The following CACNA1C variants were observed in gnomAD, a reference collection of about 807,000 sequenced individuals.
CACNA1C encodes voltage-dependent L-type calcium channel subunit alpha-1C.
Under a neutral mutation model 229.0 loss-of-function variants are expected in CACNA1C, and 30 were observed. That is an observed-to-expected ratio of 0.13 (90% CI 0.10 to 0.18). The LOEUF (loss-of-function observed/expected upper bound fraction) is 0.18. CACNA1C is among the 10% of genes least tolerant of loss of function. The probability of loss-of-function intolerance (pLI) is 1.00; values close to 1 mark genes in which losing one functional copy is unlikely to be tolerated. For synonymous variants in CACNA1C, 1,114 were observed against 1,132.5 expected, an observed-to-expected ratio of 0.98 and a Z score of 0.33; for missense variants, 1,658 against 2,845.0, an observed-to-expected ratio of 0.58 and a Z score of 9.49.
intron 3 of CACNA1C, among the ~76,000 whole-genome samples, chr12:2,322,005 G>A (rs2096022728): frequency 6.6e-6 from 1 of 152,212 alleles, no homozygotes; most frequent in African/African-American, 2.4e-5. Context: ...ATCAGAACTA[G>A]ACGCAGCTGC....
At chr12:2,645,353 G>A (rs568798689) in intron 30 of CACNA1C, among the ~76,000 whole-genome samples, 26 of 152,272 alleles carry the variant, frequency 1.7e-4, no homozygotes, top group African/African-American at 3.9e-4. Flanking sequence ...TCTGGGAAGG[G>A]GTCAGAGATT....
chr12:2,378,020 G>A (rs187119185), intron 3 of CACNA1C, among the ~76,000 whole-genome samples: 1 of 152,278 alleles, frequency 6.6e-6, no homozygotes, highest in East Asian at 1.9e-4. Context: ...GAAGAGGGTT[G>A]GGGTGAGTGT....
chr12:2,406,468 A>G (rs1384616159), intron 3 of CACNA1C, among the ~76,000 whole-genome samples: 1 of 152,078 alleles, frequency 6.6e-6, no homozygotes, highest in Non-Finnish European at 1.5e-5. Flanking sequence ...TCCATTCCTT[A>G]TATTAGGTAA....
intron 3 of CACNA1C, among the ~76,000 whole-genome samples, chr12:2,230,145 C>A (rs2064413800): frequency 6.6e-6 from 1 of 152,114 alleles, no homozygotes; most frequent in Non-Finnish European, 1.5e-5. Flanking sequence ...TCAGGATGTC[C>A]CCTCCCGGGG....
At chr12:2,572,945 CTCCTCT>C (rs2056899578) in intron 13 of CACNA1C, among the ~76,000 whole-genome samples, 1 of 93,300 alleles carries the variant, frequency 1.1e-5, no homozygotes, top group Non-Finnish European at 2.3e-5. Context: ...CCTCCTCCTT[CTCCTCT>C]TCCTCTTCCT....
rs985051135 is a variant in CACNA1C, at chr12:2,491,886, G to A, written c.917-1304G>A. Among the ~76,000 whole-genome samples the A allele has an allele frequency of 8.6e-5, 13 of 151,954 alleles. No individual in the cohort carries two copies. In the South Asian group the frequency reaches 2.1e-3, roughly 24 times the overall value. ...ACGTAGGCAAAGTAATCACACTTACGATTGTTTTGATATATATGAAACCAG... is the reference window on the plus strand; with the variant it reads ...ACGTAGGCAAAGTAATCACACTTACAATTGTTTTGATATATATGAAACCAG... On this transcript the variant is annotated intron_variant, in intron 6 of 46. Coordinates refer to ENST00000399655, the MANE Select transcript of CACNA1C (RefSeq NM_000719.7).
At chr12:2,260,880 T>C (rs1032584335) in intron 3 of CACNA1C, among the ~76,000 whole-genome samples, 13 of 152,280 alleles carry the variant, frequency 8.5e-5, no homozygotes, top group African/African-American at 3.1e-4. Flanking sequence ...GAGTTTTTAT[T>C]TGTGTAAATT....
chr12:2,390,978 G>GT (rs1681601563), intron 3 of CACNA1C, among the ~76,000 whole-genome samples: 1 of 152,214 alleles, frequency 6.6e-6, no homozygotes, highest in East Asian at 1.9e-4. Flanking sequence ...CCACACAGCA[G>GT]TGGTGGTGTG....
At chr12:2,033,139 A>C (rs900948766) in intron 1 of CACNA1C, among the ~76,000 whole-genome samples, 11 of 152,162 alleles carry the variant, frequency 7.2e-5, no homozygotes, top group Non-Finnish European at 1.6e-4. Flanking sequence ...TTCCACTTCC[A>C]GAGGGGAGGT....
intron 3 of CACNA1C, among the ~76,000 whole-genome samples, chr12:2,209,049 G>T (rs1427602710): frequency 6.6e-6 from 1 of 152,172 alleles, no homozygotes; most frequent in Non-Finnish European, 1.5e-5. Context: ...AGCTCTCCCG[G>T]CCAGCAGCGT....
At chr12:2,238,150 A>G (rs2068233152) in intron 3 of CACNA1C, among the ~76,000 whole-genome samples, 1 of 152,334 alleles carries the variant, frequency 6.6e-6, no homozygotes, top group Non-Finnish European at 1.5e-5. Flanking sequence ...AGGAGCCTGG[A>G]AAACTATTAT....
At chr12:1,999,680 T>C (rs1464413880) in intron 1 of CACNA1C, among the ~76,000 whole-genome samples, 1 of 152,088 alleles carries the variant, frequency 6.6e-6, no homozygotes, top group African/African-American at 2.4e-5. Flanking sequence ...GAGCTATGAT[T>C]GTACCTCTGC....
upstream of CACNA1C, among the ~76,000 whole-genome samples, chr12:2,051,094 G>A (rs1349365687): frequency 6.6e-6 from 1 of 152,188 alleles, no homozygotes; most frequent in Non-Finnish European, 1.5e-5. Context: ...AAGAGTAAGG[G>A]GAGATAGGGA....
chr12:2,048,367 T>A (rs925838051), upstream of CACNA1C: 7 of 152,248 alleles, frequency 4.6e-5, no homozygotes, highest in African/African-American at 1.7e-4. Flanking sequence ...CTGACTCCAC[T>A]CTTCCTACTC....
chr12:2,605,608 C>G lies in CACNA1C; in HGVS notation c.3049-71C>G. 2 of 1,149,344 alleles carry G rather than the reference C, an allele frequency of 1.7e-6. No individual in the cohort carries two copies. The highest frequency in any genetic ancestry group is 2.6e-6 in the Non-Finnish European group (2 of 760,192). 71.2% of individuals were successfully genotyped at this position (1,149,344 alleles called of 1,614,324 possible). A position where few individuals can be genotyped will look rare whatever the true frequency, so the allele number is the denominator to read the frequency against. On this transcript the variant is annotated intron_variant, in intron 23 of 46. Coordinates refer to ENST00000399655, the MANE Select transcript of CACNA1C (RefSeq NM_000719.7). This position sits in a 1 kb window ranked among gnomAD's most constrained non-coding sequence, Gnocchi z 6.2. ...CCCCGTTGTGGCAAACGGGCTGCCC[C>G]TGCTACCTCCTGGAAAGGCTCCTGG...
intron 3 of CACNA1C, among the ~76,000 whole-genome samples, chr12:2,170,273 C>T (rs546000243): frequency 6.6e-6 from 1 of 152,236 alleles, no homozygotes; most frequent in Admixed American, 6.5e-5. Flanking sequence ...ATGGCTTTGG[C>T]ATGATCAGGG....
chr12:2,428,327 T>TTTCTCTTTCTCTTCTGCCCTCTTC, intron 3 of CACNA1C, among the ~76,000 whole-genome samples: 1 of 152,316 alleles, frequency 6.6e-6, no homozygotes, highest in South Asian at 2.1e-4. Flanking sequence ...CTCCCCTGCC[T>TTTCTCTTTCTCTTCTGCCCTCTTC]TTCAGCTTTC....
intron 3 of CACNA1C, among the ~76,000 whole-genome samples, chr12:2,226,940 T>C (rs974543947): frequency 6.6e-6 from 1 of 152,240 alleles, no homozygotes; most frequent in African/African-American, 2.4e-5. Context: ...AGGTGGAAGA[T>C]GCTAAACTGG....
chr12:2,017,930 G>A (rs1229691782), intron 1 of CACNA1C, among the ~76,000 whole-genome samples: 1 of 152,078 alleles, frequency 6.6e-6, no homozygotes, highest in Non-Finnish European at 1.5e-5. Context: ...CCTTCTACAC[G>A]GACTCAACAC....
Sources: gnomAD v4.1 joint callset for allele counts (sites outside exome capture counted in the v4.1 genomes callset) on GRCh38, gnomAD v4.1.1 for gene constraint, Gnocchi (gnomAD v3.1) non-coding constraint, MANE v1.5 for transcripts, NCBI Gene and HGNC (gene_info 2026-07-23, HGNC 2026-07-21) for gene names.